KCNIP4: variants seen among roughly 807,000 people sequenced by gnomAD.
The protein encoded by KCNIP4 is Kv channel-interacting protein 4.
A neutral mutation model predicts 34.0 loss-of-function variants in KCNIP4; 12 were observed. The ratio of observed to expected loss-of-function variants is 0.35; its 90% CI spans 0.23 to 0.57. The LOEUF is 0.57. KCNIP4 is among the 20% of genes least tolerant of loss of function. The pLI is 0.83. For missense variants in KCNIP4, 238 were observed against 311.7 expected (o/e 0.76, Z 1.78); for synonymous variants, 124 against 102.2 (o/e 1.21, Z -1.29).
chr4:21,929,812 T>C (rs1390317865), intron 1 of KCNIP4, among the ~76,000 whole-genome samples: 1 of 152,200 alleles, frequency 6.6e-6, no homozygotes, highest in Non-Finnish European at 1.5e-5. Flanking sequence ...ATTCTCATTT[T>C]ACTTAACCAT....
intron 3 of KCNIP4, among the ~76,000 whole-genome samples, chr4:20,849,590 T>TCACG (rs1720782158): frequency 6.6e-6 from 1 of 152,042 alleles, no homozygotes; most frequent in Non-Finnish European, 1.5e-5. Context: ...TCCTTGGACA[T>TCACG]CACAGACTTC....
intron 1 of KCNIP4, among the ~76,000 whole-genome samples, chr4:21,014,881 G>A (rs914489091): frequency 2.6e-5 from 4 of 152,108 alleles, no homozygotes; most frequent in Non-Finnish European, 5.9e-5. Flanking sequence ...GATGGATGAA[G>A]GGATAAACAA....
At chr4:20,978,542 T>C (rs531621625) in intron 1 of KCNIP4, among the ~76,000 whole-genome samples, 3 of 152,332 alleles carry the variant, frequency 2.0e-5, no homozygotes, top group East Asian at 3.9e-4. Flanking sequence ...TGGTGTATCA[T>C]GGCCCTGTGC....
intron 1 of KCNIP4, among the ~76,000 whole-genome samples, chr4:21,824,779 G>A (rs576348177): frequency 9.2e-5 from 14 of 152,070 alleles, no homozygotes; most frequent in Non-Finnish European, 1.6e-4. Context: ...AGCAATCAAG[G>A]AGAACCTGTT....
intron 1 of KCNIP4, among the ~76,000 whole-genome samples, chr4:21,877,278 G>A (rs553405448): frequency 1.3e-5 from 2 of 152,110 alleles, no homozygotes; most frequent in South Asian, 4.1e-4. Flanking sequence ...GCTTGAACCC[G>A]AGAGATGGAG....
chr4:21,108,630 A>G (rs374348719), intron 1 of KCNIP4, among the ~76,000 whole-genome samples: 1 of 151,446 alleles, frequency 6.6e-6, no homozygotes, highest in African/African-American at 2.4e-5. Flanking sequence ...GCTTTGTTCC[A>G]TTGCTGGTGA....
chr4:21,483,982 G>A (rs1731685866), intron 1 of KCNIP4, among the ~76,000 whole-genome samples: 1 of 148,430 alleles, frequency 6.7e-6, no homozygotes, highest in African/African-American at 2.5e-5. Context: ...TGTACAGCCT[G>A]CAGAACCATG....
chr4:21,150,233 G>A (rs17446667), intron 1 of KCNIP4, among the ~76,000 whole-genome samples: 12,466 of 152,224 alleles, frequency 0.082, 635 homozygotes, highest in East Asian at 0.19. Context: ...CATAGGGTAT[G>A]TAGAACTCCA....
intron 1 of KCNIP4, among the ~76,000 whole-genome samples, chr4:21,370,858 C>T (rs1279755065): frequency 2.6e-3 from 125 of 47,690 alleles, no homozygotes; most frequent in Middle Eastern, 9.6e-3. Flanking sequence ...TATACACACA[C>T]ACACACACAC....
At chr4:21,576,524 A>G (rs574564994) in intron 1 of KCNIP4, among the ~76,000 whole-genome samples, 171 of 152,306 alleles carry the variant, frequency 1.1e-3, no homozygotes, top group Non-Finnish European at 2.2e-3. Context: ...CTGACTAAAA[A>G]TCAATGCCCT....
intron 1 of KCNIP4, among the ~76,000 whole-genome samples, chr4:21,948,102 GCCAGTATATTA>G (rs1730602688): frequency 6.6e-6 from 1 of 152,184 alleles, no homozygotes; most frequent in East Asian, 1.9e-4. Flanking sequence ...GCAAGATGCC[GCCAGTATATTA>G]CCAGGGGACA....
At chr4:21,780,926 C>T (rs1719536180) in intron 1 of KCNIP4, among the ~76,000 whole-genome samples, 1 of 152,146 alleles carries the variant, frequency 6.6e-6, no homozygotes, top group South Asian at 2.1e-4. Context: ...CATCATCACT[C>T]CAATTTTTGC....
chr4:20,751,720 T>A (rs1295567758), intron 4 of KCNIP4, among the ~76,000 whole-genome samples: 2 of 152,198 alleles, frequency 1.3e-5, no homozygotes, highest in African/African-American at 4.8e-5. Context: ...AACATGGGTA[T>A]ATGATAATTA....
intron 1 of KCNIP4, among the ~76,000 whole-genome samples, chr4:21,485,139 C>T (rs1350229214): frequency 1.3e-5 from 2 of 152,148 alleles, no homozygotes; most frequent in Admixed American, 1.3e-4. Flanking sequence ...TACACTTATC[C>T]TAACACCCCC....
intron 1 of KCNIP4, chr4:21,845,383 A>G (rs1723949547): frequency 6.6e-6 from 1 of 152,160 alleles, no homozygotes; most frequent in Non-Finnish European, 1.5e-5. Context: ...TAACAATATT[A>G]TTCTTCTTGT....
At chr4:21,323,805 T>A (rs1163537700) in intron 1 of KCNIP4, among the ~76,000 whole-genome samples, 1 of 152,040 alleles carries the variant, frequency 6.6e-6, no homozygotes, top group Non-Finnish European at 1.5e-5. Flanking sequence ...GAGTTTTAGT[T>A]TTTTTGAGGA....
At chr4:21,451,728 A>G (rs943786618) in intron 1 of KCNIP4, among the ~76,000 whole-genome samples, 1 of 152,150 alleles carries the variant, frequency 6.6e-6, no homozygotes, top group Admixed American at 6.5e-5. Context: ...TGTTGGTAAC[A>G]GTTATCAAAA....
intron 1 of KCNIP4, among the ~76,000 whole-genome samples, chr4:20,953,724 A>G (rs1342899403): frequency 6.6e-6 from 1 of 152,170 alleles, no homozygotes; most frequent in Non-Finnish European, 1.5e-5. Flanking sequence ...GAATGAATGA[A>G]TGAATGCTGT....
chr4:21,098,979 C>G (rs11929753), intron 1 of KCNIP4, among the ~76,000 whole-genome samples: 2 of 152,094 alleles, frequency 1.3e-5, no homozygotes, highest in Admixed American at 6.6e-5. Flanking sequence ...CAGACACTGA[C>G]GAGGCTGCAG....
Sources: allele counts gnomAD v4.1 joint callset (sites outside exome capture counted in the v4.1 genomes callset), GRCh38; gene constraint gnomAD v4.1.1; transcripts MANE v1.5; gene names NCBI Gene and HGNC (gene_info 2026-07-23, HGNC 2026-07-21).